The following ADAMTS6 variants were observed in gnomAD, a reference collection of about 807,000 sequenced individuals.
ADAMTS6 encodes ADAM metallopeptidase with thrombospondin type 1 motif 6.
ADAMTS6 carries 23 observed loss-of-function variants against 144.3 expected under a neutral mutation model. That is an observed-to-expected ratio of 0.16 (90% confidence interval 0.11 to 0.23). The LOEUF (loss-of-function observed/expected upper bound fraction) is 0.23. ADAMTS6 is among the 10% of genes least tolerant of loss of function. The pLI, the probability that ADAMTS6 is intolerant of heterozygous loss-of-function variation, is 1.00. For synonymous variants in ADAMTS6, 444 were observed against 457.5 expected (o/e 0.97, Z 0.38); for missense variants, 999 against 1,379.6 (o/e 0.72, Z 4.37).
chr5:65,457,053 C>T (rs1187461581), intron 4 of ADAMTS6, among the ~76,000 whole-genome samples: 1 of 152,164 alleles, frequency 6.6e-6, no homozygotes, highest in Admixed American at 6.5e-5. Context: ...GAAACAGTAT[C>T]ACAATTAAGA....
intron 10 of ADAMTS6, among the ~76,000 whole-genome samples, chr5:65,299,067 T>G (rs1340815275): frequency 6.6e-6 from 1 of 152,180 alleles, no homozygotes; most frequent in East Asian, 1.9e-4. Context: ...GAGTATTTAA[T>G]TTCTCCTCCC....
intron 3 of ADAMTS6, among the ~76,000 whole-genome samples, chr5:65,464,055 A>C (rs896309423): frequency 6.6e-6 from 1 of 152,174 alleles, no homozygotes; most frequent in Non-Finnish European, 1.5e-5. Flanking sequence ...CAGTTCCCTC[A>C]TTCCTTAAAA....
rs1272407755 is a variant in ADAMTS6, at chr5:65,151,907, C to T, written c.3283G>A (p.Val1095Met). 1 of 1,613,904 alleles carries T rather than the reference C, an allele frequency of 6.2e-7. No individual in the cohort carries two copies. The change falls in exon 25 of 25, where the codon GTG becomes ATG. Residue 1095 changes from valine to methionine, a missense_variant. Physicochemically the swap from Val to Met is conservative, Grantham distance 21. Transcript: ENST00000381055. ...CGACTGCAGAACTTGAACTTCAGCA[C>T]CAGTGGGCAATAAGCCACTTTATTC... ...DVNKVAYCPLVLKFKFCSRAY... is the reference protein window; with the variant it reads ...DVNKVAYCPLMLKFKFCSRAY...
At chr5:65,466,236 C>A (rs2150275089) in intron 3 of ADAMTS6, among the ~76,000 whole-genome samples, 1 of 152,306 alleles carries the variant, frequency 6.6e-6, no homozygotes, top group East Asian at 1.9e-4. Flanking sequence ...CTCCCAGTTT[C>A]CTTTCTGACC....
At position 65,341,193 on chromosome 5, in the gene ADAMTS6, A is replaced by G. The variant is rs560990084; in HGVS notation, c.1074-7108T>C. 3.3e-5 allele frequency among the ~76,000 whole-genome samples: 5 copies of G among 152,162 alleles called. No homozygotes were observed. In the South Asian group the frequency reaches 1.0e-3, roughly 32 times the overall value. On this transcript the variant is annotated intron_variant, in intron 7 of 24. Coordinates refer to ENST00000381055, the MANE Select transcript of ADAMTS6 (RefSeq NM_197941.4). The stretch of plus-strand genomic sequence containing the variant: ...AGAAACACAACATACCAAAACCTAT[A>G]GGACATAGCAAAAGCAATATAAGAG...
intron 11 of ADAMTS6, among the ~76,000 whole-genome samples, chr5:65,290,808 CT>C (rs1742226618): frequency 6.7e-6 from 1 of 149,954 alleles, no homozygotes; most frequent in African/African-American, 2.4e-5. Context: ...ATTTTTTTTT[CT>C]TTCATAGCAA....
chr5:65,396,251 C>T (rs77454376), intron 7 of ADAMTS6, among the ~76,000 whole-genome samples: 5,153 of 152,148 alleles, frequency 0.034, 294 homozygotes, highest in African/African-American at 0.12. Flanking sequence ...GATATCATTT[C>T]TTGTTTCTAC....
At position 65,438,109 on chromosome 5, in the gene ADAMTS6, G is replaced by C. The variant is rs543353631; in HGVS notation, c.1073+13366C>G. ...TCACCTCCAAAGGTACATAAGCCTA[G>C]ATGGATTAGCCTCTCAACACAAAAC... is the stretch of plus-strand genomic sequence containing the variant. On this transcript the variant is annotated intron_variant, in intron 7 of 24. Transcript: ENST00000381055. 2.2e-4 allele frequency among the ~76,000 whole-genome samples: 33 copies of C among 152,290 alleles called. 1 individual carries two copies. The East Asian group carries it at 6.2e-3, about 28-fold the overall frequency.
intron 7 of ADAMTS6, among the ~76,000 whole-genome samples, chr5:65,428,356 T>C (rs1184332222): frequency 1.3e-5 from 2 of 152,086 alleles, no homozygotes; most frequent in Non-Finnish European, 2.9e-5. Flanking sequence ...TATTTCAACA[T>C]GGATTCAATT....
At chr5:65,421,816 TG>T (rs1205002303) in intron 7 of ADAMTS6, among the ~76,000 whole-genome samples, 7 of 152,208 alleles carry the variant, frequency 4.6e-5, no homozygotes, top group Non-Finnish European at 1.0e-4. Context: ...CAACTCAAGA[TG>T]GATTGAAGAC....
intron 7 of ADAMTS6, among the ~76,000 whole-genome samples, chr5:65,379,038 A>G (rs901912267): frequency 2.6e-5 from 4 of 152,138 alleles, no homozygotes; most frequent in South Asian, 4.1e-4. Flanking sequence ...TATAAGATAC[A>G]TGTGTTCATT....
intron 17 of ADAMTS6, 118 bp from the exon 18 acceptor site, chr5:65,224,518 T>C (rs1366718275): frequency 1.1e-6 from 1 of 883,844 alleles, no homozygotes; most frequent in Non-Finnish European, 1.8e-6. Context: ...TTGCATTTTA[T>C]GAATTATGAA....
intron 24 of ADAMTS6, among the ~76,000 whole-genome samples, chr5:65,164,773 T>A (rs1392651341): frequency 1.4e-5 from 2 of 138,368 alleles, no homozygotes; most frequent in African/African-American, 5.6e-5. Flanking sequence ...AGGGGCACAC[T>A]GACACCTCAC....
intron 1 of ADAMTS6, among the ~76,000 whole-genome samples, chr5:65,478,591 T>C (rs1313256658): frequency 1.3e-5 from 2 of 151,514 alleles, no homozygotes; most frequent in Non-Finnish European, 2.9e-5. Flanking sequence ...CCTTCCTTCA[T>C]TATCTAACAT....
intron 7 of ADAMTS6, among the ~76,000 whole-genome samples, chr5:65,394,068 T>A (rs922531616): frequency 1.3e-5 from 2 of 152,188 alleles, no homozygotes; most frequent in African/African-American, 4.8e-5. Flanking sequence ...GCATCTCCCA[T>A]CCACATATAA....
chr5:65,387,059 T>A (rs562319798), intron 7 of ADAMTS6, among the ~76,000 whole-genome samples: 1 of 152,194 alleles, frequency 6.6e-6, no homozygotes, highest in Non-Finnish European at 1.5e-5. Flanking sequence ...ATGACACAAT[T>A]TAAAAATTAT....
chr5:65,247,161 G>A (rs564913719), intron 14 of ADAMTS6, among the ~76,000 whole-genome samples: 4 of 152,138 alleles, frequency 2.6e-5, no homozygotes, highest in Non-Finnish European at 5.9e-5. Context: ...ACATAAATCT[G>A]GAGAGCAAAG....
At chr5:65,302,325 G>A (rs1342920528) in intron 9 of ADAMTS6, among the ~76,000 whole-genome samples, 12 of 141,576 alleles carry the variant, frequency 8.5e-5, no homozygotes, top group African/African-American at 3.1e-4. Flanking sequence ...ACATATACAT[G>A]TATATATTAT....
intron 9 of ADAMTS6, among the ~76,000 whole-genome samples, chr5:65,319,415 C>G (rs1010375981): frequency 1.3e-5 from 2 of 150,368 alleles, no homozygotes; most frequent in East Asian, 3.9e-4. Context: ...TGTGGTGGCT[C>G]GGGCCTGTAA....
Sources: gnomAD v4.1 joint callset for allele counts (sites outside exome capture counted in the v4.1 genomes callset) on GRCh38, gnomAD v4.1.1 for gene constraint, MANE v1.5 for transcripts, NCBI Gene and HGNC (gene_info 2026-07-23, HGNC 2026-07-21) for gene names.